The following UNC5C variants were observed in gnomAD, a reference collection of about 807,000 sequenced individuals.
UNC5C encodes the protein unc-5 netrin receptor C, also known as netrin receptor UNC5C.
Under a neutral mutation model 99.8 loss-of-function variants are expected in UNC5C, and 47 were observed. The observed-to-expected ratio is 0.47, with a 90% confidence interval of 0.37 to 0.60. The LOEUF (loss-of-function observed/expected upper bound fraction) is 0.60, where lower values mean the gene tolerates loss of function less well. Among genes scored for constraint, UNC5C ranks in the 20% least tolerant of loss-of-function variants. The pLI is 0.00. For missense variants in UNC5C, 1,062 were observed against 1,165.9 expected (o/e 0.91, Z 1.30); for synonymous variants, 487 against 452.2 (o/e 1.08, Z -0.98).
chr4:95,339,180 T>G (rs1743461610), intron 1 of UNC5C, among the ~76,000 whole-genome samples: 1 of 152,122 alleles, frequency 6.6e-6, no homozygotes, highest in East Asian at 1.9e-4. Flanking sequence ...AAACTCAGGC[T>G]CATATCAATT....
chr4:95,399,332 T>G (rs562100949), intron 1 of UNC5C, among the ~76,000 whole-genome samples: 1 of 152,236 alleles, frequency 6.6e-6, no homozygotes, highest in Admixed American at 6.5e-5. Context: ...TGTCAACAAC[T>G]CCACAAAAAA....
intron 7 of UNC5C, among the ~76,000 whole-genome samples, chr4:95,225,961 C>A (rs1216853813): frequency 6.6e-6 from 1 of 152,200 alleles, no homozygotes; most frequent in Non-Finnish European, 1.5e-5. Context: ...GAGGGGAACA[C>A]AGAATCACTT....
At chr4:95,394,080 G>A (rs1399219039) in intron 1 of UNC5C, among the ~76,000 whole-genome samples, 2 of 151,988 alleles carry the variant, frequency 1.3e-5, no homozygotes, top group South Asian at 2.1e-4. Flanking sequence ...TTAGTGCATT[G>A]CCTTTAGTTG....
intron 7 of UNC5C, among the ~76,000 whole-genome samples, chr4:95,232,531 C>T (rs1297451900): frequency 6.6e-6 from 1 of 152,056 alleles, no homozygotes; most frequent in African/African-American, 2.4e-5. Flanking sequence ...GACCTGCACC[C>T]CCGTGATCTC....
At chr4:95,223,964 T>C (rs905807016) in intron 7 of UNC5C, among the ~76,000 whole-genome samples, 2 of 152,186 alleles carry the variant, frequency 1.3e-5, no homozygotes, top group African/African-American at 4.8e-5. Context: ...AATGCTATGA[T>C]GCTCATCCTG....
chr4:95,418,786 A>G (rs971942744), intron 1 of UNC5C, among the ~76,000 whole-genome samples: 3 of 152,236 alleles, frequency 2.0e-5, no homozygotes, highest in African/African-American at 7.2e-5. Flanking sequence ...AAGATGATAA[A>G]CAATTACAGA....
At chr4:95,375,854 G>T (rs924465692) in intron 1 of UNC5C, among the ~76,000 whole-genome samples, 1 of 152,138 alleles carries the variant, frequency 6.6e-6, no homozygotes, top group Non-Finnish European at 1.5e-5. Context: ...AAGGCAGGTA[G>T]ATCACGAGGT....
chr4:95,289,756 A>G (rs1251395850), intron 3 of UNC5C, among the ~76,000 whole-genome samples: 1 of 152,168 alleles, frequency 6.6e-6, no homozygotes, highest in Non-Finnish European at 1.5e-5. Flanking sequence ...TCTGGCTGTT[A>G]ACAGGAAATA....
At position 95,211,813 on chromosome 4, in the gene UNC5C, G is replaced by A. The variant is rs144503441; in HGVS notation, c.1733+4311C>T. ...ATTTCTCTTATTGAGAAGTGTTTTCGTAAACTATCTTGAAGCATTTCTCTC... is the reference window on the plus strand; with the variant it reads ...ATTTCTCTTATTGAGAAGTGTTTTCATAAACTATCTTGAAGCATTTCTCTC... On this transcript the variant is annotated intron_variant, in intron 10 of 15. Transcript: ENST00000453304. 4.7e-3 allele frequency among the ~76,000 whole-genome samples: 715 copies of A among 151,764 alleles called. 9 individuals carry two copies. Among genetic ancestry groups the A allele is most frequent in the South Asian group, 3.5e-3 (17 of 4,792 alleles).
At chr4:95,189,892 G>A (rs1158533935) in intron 12 of UNC5C, among the ~76,000 whole-genome samples, 2 of 152,172 alleles carry the variant, frequency 1.3e-5, no homozygotes, top group African/African-American at 4.8e-5. Flanking sequence ...CACTGTTGGT[G>A]GAACTGTAAA....
chr4:95,212,875 C>T (rs1259226586), intron 10 of UNC5C, among the ~76,000 whole-genome samples: 1 of 152,176 alleles, frequency 6.6e-6, no homozygotes, highest in African/African-American at 2.4e-5. Context: ...TCTCTCCATA[C>T]CCTCTCCATT....
intron 1 of UNC5C, among the ~76,000 whole-genome samples, chr4:95,445,719 A>C (rs1747081501): frequency 6.6e-6 from 1 of 152,324 alleles, no homozygotes; most frequent in Non-Finnish European, 1.5e-5. Flanking sequence ...ATGAGTATGC[A>C]AAAAAGCAAT....
At chr4:95,273,444 C>T (rs1281967273) in intron 4 of UNC5C, among the ~76,000 whole-genome samples, 1 of 152,132 alleles carries the variant, frequency 6.6e-6, no homozygotes, top group Non-Finnish European at 1.5e-5. Context: ...GTGACAGTAA[C>T]ATTTTCTAGG....
chr4:95,191,318 C>T (rs1162278312), intron 12 of UNC5C, among the ~76,000 whole-genome samples: 1 of 152,216 alleles, frequency 6.6e-6, no homozygotes, highest in African/African-American at 2.4e-5. Context: ...CTATTGCTCA[C>T]TGGGAGCCCC....
chr4:95,164,504 A>G lies in UNC5C; in HGVS notation c.*4730T>C, dbSNP rs1735790019. ...AGCTCAGCAAGGTTAAAGAATATAT[A>G]AAAATAATACAAAAAGAAAAATAAA... On this transcript the variant is annotated 3_prime_UTR_variant, in exon 16 of 16. Coordinates refer to ENST00000453304, the MANE Select transcript of UNC5C (RefSeq NM_003728.4). The G allele has an allele frequency of 6.6e-6, 1 of 152,218 alleles. No individual in the cohort carries two copies. The highest frequency in any genetic ancestry group is 1.5e-5 in the Non-Finnish European group (1 of 68,040). 9.4% of individuals were successfully genotyped at this position (152,218 alleles called of 1,614,324 possible).
chr4:95,184,688 T>C (rs1187783507), intron 13 of UNC5C, among the ~76,000 whole-genome samples: 2 of 152,178 alleles, frequency 1.3e-5, no homozygotes, highest in Non-Finnish European at 2.9e-5. Context: ...GAAGCCTAAT[T>C]TGTGTCCCAT....
At chr4:95,241,355 C>A (rs1327736316) in intron 7 of UNC5C, among the ~76,000 whole-genome samples, 1 of 152,096 alleles carries the variant, frequency 6.6e-6, no homozygotes. Flanking sequence ...GATTTTTATT[C>A]TGTGTGAGCA....
intron 2 of UNC5C, among the ~76,000 whole-genome samples, chr4:95,332,399 C>A (rs1743150029): frequency 6.7e-6 from 1 of 148,768 alleles, no homozygotes; most frequent in Non-Finnish European, 1.5e-5. Context: ...CAGAACAGAG[C>A]CCTCAGAAAT....
At chr4:95,180,528 C>G (rs946539923) in intron 14 of UNC5C, among the ~76,000 whole-genome samples, 5 of 152,226 alleles carry the variant, frequency 3.3e-5, no homozygotes, top group African/African-American at 1.2e-4. Context: ...AACTTCATCT[C>G]TGTGAAATTA....
Sources: allele counts gnomAD v4.1 joint callset (sites outside exome capture counted in the v4.1 genomes callset), GRCh38; gene constraint gnomAD v4.1.1; transcripts MANE v1.5; gene names NCBI Gene and HGNC (gene_info 2026-07-23, HGNC 2026-07-21).